Variants in ZFHX3 observed in about 807,000 individuals in gnomAD.
The protein encoded by ZFHX3 is zinc finger homeobox 3, also known as zinc finger homeobox protein 3.
ZFHX3 carries 42 observed loss-of-function variants against 279.1 expected under a neutral mutation model. The observed-to-expected ratio is 0.15, with a 90% CI of 0.12 to 0.19. The LOEUF is 0.19. Ranked by LOEUF, ZFHX3 falls within the 10% of genes least tolerant of loss-of-function variation. The pLI is 1.00. For synonymous variants in ZFHX3, 2,293 were observed against 1,957.8 expected, an observed-to-expected ratio of 1.17 and a Z score of -4.52; for missense variants, 4,981 against 4,754.0, an observed-to-expected ratio of 1.05 and a Z score of -1.40.
At chr16:73,660,239 A>T (rs1263540230) in intron 2 of ZFHX3, among the ~76,000 whole-genome samples, 1 of 152,232 alleles carries the variant, frequency 6.6e-6, no homozygotes, top group African/African-American at 2.4e-5. Context: ...TAAGGATCAC[A>T]GTCAAACGTG....
intron 1 of ZFHX3, among the ~76,000 whole-genome samples, chr16:72,965,366 G>C (rs1298003528): frequency 6.6e-6 from 1 of 152,154 alleles, no homozygotes; most frequent in Non-Finnish European, 1.5e-5. Context: ...GGGGTGAGGG[G>C]AACAGTTCAA....
chr16:73,625,352 G>A (rs1250842322), intron 2 of ZFHX3, among the ~76,000 whole-genome samples: 1 of 152,178 alleles, frequency 6.6e-6, no homozygotes, highest in Non-Finnish European at 1.5e-5. Context: ...GCTCACACCT[G>A]CCTAACTCAA....
chr16:73,502,389 G>A (rs991381048), intron 2 of ZFHX3, among the ~76,000 whole-genome samples: 8 of 152,198 alleles, frequency 5.3e-5, no homozygotes, highest in Admixed American at 4.6e-4. Flanking sequence ...TGCTGTCCTT[G>A]TAACTCCTTG....
intron 2 of ZFHX3, among the ~76,000 whole-genome samples, chr16:72,953,079 A>G (rs1157002557): frequency 5.3e-5 from 8 of 152,140 alleles, no homozygotes; most frequent in African/African-American, 1.9e-4. Flanking sequence ...TACACAAGTC[A>G]CCTCGAGTGA....
intron 1 of ZFHX3, among the ~76,000 whole-genome samples, chr16:73,691,727 C>T (rs962002219): frequency 4.6e-5 from 7 of 152,126 alleles, no homozygotes; most frequent in African/African-American, 1.2e-4. Context: ...TGAATTTGAA[C>T]CCAGACAATA....
chr16:73,470,843 G>C (rs2018653289), intron 2 of ZFHX3, among the ~76,000 whole-genome samples: 1 of 152,118 alleles, frequency 6.6e-6, no homozygotes, highest in Admixed American at 6.6e-5. Context: ...TGTTTCCTGG[G>C]GGATCCAGTC....
At chr16:73,312,683 C>A (rs1222801791) in intron 4 of ZFHX3, among the ~76,000 whole-genome samples, 1 of 152,158 alleles carries the variant, frequency 6.6e-6, no homozygotes, top group African/African-American at 2.4e-5. Context: ...TTCCTCATAG[C>A]CACCTTGCAA....
At chr16:73,629,126 C>T (rs777549957) in intron 2 of ZFHX3, among the ~76,000 whole-genome samples, 1 of 152,192 alleles carries the variant, frequency 6.6e-6, no homozygotes, top group Non-Finnish European at 1.5e-5. Flanking sequence ...GTATCAATAG[C>T]AAGCCATTCC....
At chr16:73,248,897 C>T (rs988898172) in intron 5 of ZFHX3, among the ~76,000 whole-genome samples, 2 of 151,672 alleles carry the variant, frequency 1.3e-5, no homozygotes, top group Non-Finnish European at 2.9e-5. Flanking sequence ...AAATTTAAGA[C>T]CCTAAAAAAA....
intron 1 of ZFHX3, among the ~76,000 whole-genome samples, chr16:73,764,210 A>G (rs575204394): frequency 1.5e-3 from 226 of 152,242 alleles, no homozygotes; most frequent in South Asian, 9.8e-3. Context: ...TTGGAAGCAA[A>G]TTTCCAATCC....
chr16:73,833,194 C>T (rs2142360352), intron 1 of ZFHX3, among the ~76,000 whole-genome samples: 1 of 152,220 alleles, frequency 6.6e-6, no homozygotes, highest in East Asian at 1.9e-4. Flanking sequence ...AAGACCTCAT[C>T]TCTACAAAAG....
At chr16:72,855,669 T>G (rs1206885102) in intron 4 of ZFHX3, among the ~76,000 whole-genome samples, 1 of 152,218 alleles carries the variant, frequency 6.6e-6, no homozygotes, top group Non-Finnish European at 1.5e-5. Flanking sequence ...CATTAAAATA[T>G]ATCTATTTCA....
intron 5 of ZFHX3, among the ~76,000 whole-genome samples, chr16:73,148,925 C>A (rs1013496647): frequency 6.6e-6 from 1 of 151,528 alleles, no homozygotes; most frequent in East Asian, 1.9e-4. Context: ...CCAGCCTAGG[C>A]GACAGAGCAA....
chr16:72,795,857 G>C lies in ZFHX3; in HGVS notation c.6825C>G (p.Leu2275=). 6.2e-7 allele frequency: 1 copy of C among 1,614,208 alleles called. No individual in the cohort carries two copies. Among genetic ancestry groups the C allele is most frequent in the Non-Finnish European group, 8.5e-7 (1 of 1,180,036 alleles). ...AYPKDDEFEQ[L]SNLLNLPTRV... The stretch of plus-strand genomic sequence containing the variant: ...GGGTTGGAAGGTTCAGTAAATTAGA[G>C]AGTTGCTCAAATTCATCATCCTTTG... The change falls in exon 9 of 10, where the codon CTC becomes CTG. Residue 2275 remains leucine, a synonymous_variant. Coordinates refer to ENST00000268489, the MANE Select transcript of ZFHX3 (RefSeq NM_006885.4).
chr16:73,363,320 T>C (rs1023293862), intron 3 of ZFHX3, among the ~76,000 whole-genome samples: 8 of 152,240 alleles, frequency 5.3e-5, no homozygotes, highest in African/African-American at 1.9e-4. Context: ...GGTGGTTTGT[T>C]ATGCACCAAA....
At chr16:73,244,234 A>G (rs1273740542) in intron 5 of ZFHX3, among the ~76,000 whole-genome samples, 2 of 152,188 alleles carry the variant, frequency 1.3e-5, no homozygotes, top group Non-Finnish European at 2.9e-5. Flanking sequence ...AAGAGTATTC[A>G]TCCTGAGGAG....
chr16:73,433,771 C>T (rs374519073), intron 3 of ZFHX3, among the ~76,000 whole-genome samples: 22 of 152,280 alleles, frequency 1.4e-4, no homozygotes, highest in African/African-American at 4.6e-4. Context: ...GAGCCTGCAG[C>T]GGCAGACAGA....
At chr16:73,114,893 A>C (rs1221859576) in intron 7 of ZFHX3, among the ~76,000 whole-genome samples, 2 of 152,094 alleles carry the variant, frequency 1.3e-5, no homozygotes, top group Non-Finnish European at 2.9e-5. Flanking sequence ...ACTGGGCTCA[A>C]GAAATCCTCC....
At chr16:73,435,896 G>T (rs2017989266) in intron 3 of ZFHX3, among the ~76,000 whole-genome samples, 1 of 152,344 alleles carries the variant, frequency 6.6e-6, no homozygotes, top group Non-Finnish European at 1.5e-5. Context: ...CCTGGTGTCT[G>T]CACCAGAGCC....
Sources: allele counts gnomAD v4.1 joint callset (sites outside exome capture counted in the v4.1 genomes callset), GRCh38; gene constraint gnomAD v4.1.1; transcripts MANE v1.5; gene names NCBI Gene and HGNC (gene_info 2026-07-23, HGNC 2026-07-21).